The following ATP2B4 variants were observed in gnomAD, a reference collection of about 807,000 sequenced individuals.
The protein encoded by ATP2B4 is ATPase plasma membrane Ca2+ transporting 4.
A neutral mutation model predicts 110.3 loss-of-function variants in ATP2B4; 39 were observed. That is an observed-to-expected ratio of 0.35 (90% confidence interval 0.27 to 0.46). The LOEUF (loss-of-function observed/expected upper bound fraction) is 0.46, where lower values mean the gene tolerates loss of function less well. Among genes scored for constraint, ATP2B4 ranks in the 20% least tolerant of loss-of-function variants. The pLI is 1.00. For synonymous variants in ATP2B4, 538 were observed against 571.7 expected, an observed-to-expected ratio of 0.94 and a Z score of 0.84; for missense variants, 1,135 against 1,530.9, an observed-to-expected ratio of 0.74 and a Z score of 4.32.
chr1:203,691,689 T>C (rs1323290523), intron 2 of ATP2B4, among the ~76,000 whole-genome samples: 2 of 152,234 alleles, frequency 1.3e-5, no homozygotes, highest in East Asian at 3.9e-4. Flanking sequence ...GTCTAGCAGA[T>C]AGGGAGCAAA....
At chr1:203,734,945 G>A (rs1362475520) in intron 20 of ATP2B4, among the ~76,000 whole-genome samples, 4 of 145,916 alleles carry the variant, frequency 2.7e-5, no homozygotes, top group Admixed American at 7.0e-5. Context: ...CGGAGGTTGC[G>A]GTGAGCCAAG....
chr1:203,636,685 A>G (rs1014227498), intron 1 of ATP2B4, among the ~76,000 whole-genome samples: 1 of 152,154 alleles, frequency 6.6e-6, no homozygotes, highest in Non-Finnish European at 1.5e-5. Context: ...AGCAGGGGAT[A>G]TCTCTGGGCC....
At chr1:203,700,564 G>A (rs769257755) in intron 5 of ATP2B4, among the ~76,000 whole-genome samples, 20 of 152,162 alleles carry the variant, frequency 1.3e-4, no homozygotes, top group Non-Finnish European at 2.5e-4. Context: ...CAGGGGTGGC[G>A]GGGGCAGGAG....
At chr1:203,697,835 G>T (rs990430088) in intron 2 of ATP2B4, among the ~76,000 whole-genome samples, 2 of 151,904 alleles carry the variant, frequency 1.3e-5, no homozygotes, top group African/African-American at 4.8e-5. Context: ...TTCCTGAGTA[G>T]CTGTGACTAC....
intron 1 of ATP2B4, among the ~76,000 whole-genome samples, chr1:203,675,499 G>A (rs1664801904): frequency 6.6e-6 from 1 of 152,134 alleles, no homozygotes; most frequent in South Asian, 2.1e-4. Context: ...GATGTAGCCA[G>A]GACTAGATGA....
chr1:203,723,457 T>TCTCTCTCTCTCTCTCCCTCC lies in ATP2B4; in HGVS notation c.3025-421_3025-420insTCTCTCTCTCTCCCTCCCTC, dbSNP rs1407579331. Among the ~76,000 whole-genome samples, 92 of 113,552 alleles carry TCTCTCTCTCTCTCTCCCTCC rather than the reference T, an allele frequency of 8.1e-4. 2 individuals carry two copies. The highest frequency in any genetic ancestry group is 1.7e-3 in the African/African-American group (45 of 26,032). The allele number at this position is 113,552 out of a possible 152,430, so 74.5% of individuals were successfully genotyped here. ...CTCTCTCTCTCTCTCTCTCTCTCTC[T>TCTCTCTCTCTCTCTCCCTCC]CTCCCTCTGCCTCTCTCTCTCTCTC... On this transcript the variant is annotated intron_variant, in intron 18 of 20. Transcript: ENST00000357681.
chr1:203,653,442 T>A (rs1664057065), intron 1 of ATP2B4, among the ~76,000 whole-genome samples: 1 of 152,200 alleles, frequency 6.6e-6, no homozygotes, highest in Non-Finnish European at 1.5e-5. Flanking sequence ...AAACAACAGA[T>A]TTTAATGTAG....
chr1:203,712,199 A>T lies in ATP2B4; in HGVS notation c.2211+60A>T, dbSNP rs879730951. The T allele has an allele frequency of 8.9e-6, 14 of 1,566,902 alleles. No homozygotes were observed. The Admixed American group carries it at 1.3e-4, about 14-fold the overall frequency. ...TGACAAGGAAAAGGCGGGTTCTAGC[A>T]TAAGGCATCTGGGTCATGTGCGGGA... On this transcript the variant is annotated intron_variant, in intron 13 of 20. Transcript: ENST00000357681.
Position 203,716,885 on chromosome 1 carries a change from AT to A in ATP2B4, c.2406+2610del, listed in dbSNP as rs1312070029. Among the ~76,000 whole-genome samples, 5 of 144,744 alleles carry A rather than the reference AT, an allele frequency of 3.5e-5. 2 individuals carry two copies. The highest frequency in any genetic ancestry group is 1.3e-4 in the African/African-American group (5 of 39,662). The allele number at this position is 144,744 out of a possible 152,430, so 95.0% of individuals were successfully genotyped here. On this transcript the variant is annotated intron_variant, in intron 15 of 20. Coordinates refer to ENST00000357681, the MANE Select transcript of ATP2B4 (RefSeq NM_001684.5). ...ATGACAATATTGTAATTCTTTATTT[AT>A]TAACTTAAATACTTACATAAAAAGA...
intron 15 of ATP2B4, among the ~76,000 whole-genome samples, chr1:203,719,387 T>C (rs1016412988): frequency 6.6e-6 from 1 of 152,076 alleles, no homozygotes; most frequent in African/African-American, 2.4e-5. Flanking sequence ...TCGTTTTTGG[T>C]GTATTCTTCT....
In ATP2B4 at chr1:203,743,869, A is replaced by G. The variant is rs1426088206; in HGVS notation, c.*4015A>G. On this transcript the variant is annotated 3_prime_UTR_variant, in exon 21 of 21. Coordinates refer to ENST00000357681, the MANE Select transcript of ATP2B4 (RefSeq NM_001684.5). ...TGCATTTTGATATTATTTAAGCTCT[A>G]TGTACAAGGTTTTGCATGTATTTAT... 1.3e-5 allele frequency: 2 copies of G among 152,486 alleles called. No individual in the cohort carries two copies. Among genetic ancestry groups the G allele is most frequent in the Non-Finnish European group, 2.9e-5 (2 of 68,042 alleles). 9.4% of individuals were successfully genotyped at this position (152,486 alleles called of 1,614,324 possible). A position where few individuals can be genotyped will look rare whatever the true frequency, so the allele number is the denominator to read the frequency against.
chr1:203,727,418 A>T lies in ATP2B4; in HGVS notation c.3156A>T (p.Arg1052=). 1 of 1,614,158 alleles carries T rather than the reference A, an allele frequency of 6.2e-7. No homozygotes were observed. The highest frequency in any genetic ancestry group is 2.2e-5 in the East Asian group (1 of 44,874). The change falls in exon 20 of 21, where the codon CGA becomes CGT. Residue 1052 remains arginine (R), a synonymous_variant. Transcript: ENST00000357681. ...AGTTCATCTCCGCAATACCTACCCG[A>T]TCCCTGAAGTTCCTGAAGGAGGCTG... The part of the protein sequence containing the change: ...WGQFISAIPT[R]SLKFLKEAGH...
intron 3 of ATP2B4, among the ~76,000 whole-genome samples, chr1:203,698,602 G>A (rs766395294): frequency 7.2e-4 from 109 of 151,878 alleles, no homozygotes; most frequent in Non-Finnish European, 1.1e-3. Flanking sequence ...GGAATGTCAG[G>A]AATCCTCTAC....
intron 1 of ATP2B4, among the ~76,000 whole-genome samples, chr1:203,654,575 C>A (rs1664100628): frequency 6.6e-6 from 1 of 152,188 alleles, no homozygotes; most frequent in Non-Finnish European, 1.5e-5. Context: ...TGGAAAGAAT[C>A]CACCATTCTA....
chr1:203,700,147 A>G, intron 4 of ATP2B4, 59 bp from the exon 5 acceptor site: 4 of 1,568,944 alleles, frequency 2.5e-6, no homozygotes, highest in Non-Finnish European at 3.5e-6. Flanking sequence ...GGAGGACCCT[A>G]CCCTCAGCCA....
intron 20 of ATP2B4, among the ~76,000 whole-genome samples, chr1:203,735,785 G>T (rs2102239770): frequency 6.6e-6 from 1 of 152,152 alleles, no homozygotes; most frequent in South Asian, 2.1e-4. Context: ...TTCTAGTTCT[G>T]CCATCCCCTT....
intron 18 of ATP2B4, among the ~76,000 whole-genome samples, chr1:203,723,420 A>ATC (rs34964110): frequency 0.098 from 4,366 of 44,480 alleles, 325 homozygotes; most frequent in Non-Finnish European, 0.12. Context: ...TGAGACAGAT[A>ATC]TCTCTCTCTC....
At chr1:203,653,484 AT>A (rs1276175235) in intron 1 of ATP2B4, among the ~76,000 whole-genome samples, 2 of 152,208 alleles carry the variant, frequency 1.3e-5, no homozygotes, top group Admixed American at 6.5e-5. Flanking sequence ...AAAAGATGCC[AT>A]CTACGACTTT....
intron 1 of ATP2B4, among the ~76,000 whole-genome samples, chr1:203,681,828 A>G (rs1182291623): frequency 6.6e-6 from 1 of 151,616 alleles, no homozygotes; most frequent in Admixed American, 6.6e-5. Flanking sequence ...CCTATCCTCT[A>G]TCTGAATTGA....
Sources: gnomAD v4.1 joint callset for allele counts (sites outside exome capture counted in the v4.1 genomes callset) on GRCh38, gnomAD v4.1.1 for gene constraint, MANE v1.5 for transcripts, NCBI Gene and HGNC (gene_info 2026-07-23, HGNC 2026-07-21) for gene names.